The following CROCC2 variants were observed in gnomAD, a reference collection of about 807,000 sequenced individuals.
CROCC2 encodes the protein ciliary rootlet coiled-coil protein 2.
In CROCC2, 163 loss-of-function variants were observed where a neutral mutation model predicts 177.6. That is an observed-to-expected ratio of 0.92 (90% CI 0.81 to 1.05). The LOEUF (loss-of-function observed/expected upper bound fraction) is 1.05. Ranked by LOEUF, CROCC2 falls within the 50% of genes least tolerant of loss-of-function variation. CROCC2 has a pLI of 0.00. For missense variants in CROCC2, 1,929 were observed against 1,797.8 expected (o/e 1.07, Z -1.32); for synonymous variants, 904 against 787.3 (o/e 1.15, Z -2.48).
intron 14 of CROCC2, among the ~76,000 whole-genome samples, chr2:240,940,593 A>G (rs1023649631): frequency 6.6e-6 from 1 of 151,854 alleles, no homozygotes; most frequent in Non-Finnish European, 1.5e-5. Flanking sequence ...TAAAAACAAA[A>G]ATCACATGAT....
At chr2:240,975,627 TTCCCAGCCTTCGC>T (rs2059755275) in intron 27 of CROCC2, among the ~76,000 whole-genome samples, 2 of 152,236 alleles carry the variant, frequency 1.3e-5, no homozygotes, top group South Asian at 4.1e-4. Flanking sequence ...GTTCAGATAT[TTCCCAGCCTTCGC>T]TCCCAGCCTT....
At chr2:240,993,008 A>T in intron 31 of CROCC2, 58 bp from the exon 32 acceptor site, 1 of 710,474 alleles carries the variant, frequency 1.4e-6, no homozygotes, top group Non-Finnish European at 2.6e-6. Context: ...CGGCAGCAGG[A>T]GCCCCCATGT....
Position 240,972,447 on chromosome 2 carries a change from C to T in CROCC2, c.4401+4185C>T, listed in dbSNP as rs906797418. ...CAGGGATGGAGGGCTCCCCGGGTCC[C>T]CCAGCCACAGCAACCCTCTTCCCTG... On this transcript the variant is annotated intron_variant, in intron 27 of 31. Coordinates refer to ENST00000690015, the MANE Select transcript of CROCC2 (RefSeq NM_001351305.2). This position sits in a 1 kb window ranked among gnomAD's most constrained non-coding sequence, Gnocchi z 7.1. Among the ~76,000 whole-genome samples, 4 of 152,098 alleles carry T rather than the reference C, an allele frequency of 2.6e-5. No individual in the cohort carries two copies. Among genetic ancestry groups the T allele is most frequent in the African/African-American group, 9.7e-5 (4 of 41,420 alleles).
At position 240,946,178 on chromosome 2, in the gene CROCC2, G is replaced by A. The variant is rs548846216; in HGVS notation, c.2288G>A (p.Arg763Gln). ...GGAAAGGATGCTCTGTCTGAGGAGC[G>A]GGCCCAGCTGCTGGCCAAGCAGGAG... Reference protein sequence around the residue: ...LQGKDALSEERAQLLAKQEAL... With the variant: ...LQGKDALSEEQAQLLAKQEAL... Residue 763 changes from arginine (R) to glutamine (Q), a missense_variant, in exon 15 of 32, where the codon CGG becomes CAG. This residue lies in a region of CROCC2 where 1,397 missense variants were observed against 1,239.9 expected (regional missense o/e 1.13). Transcript: ENST00000690015. The A allele has an allele frequency of 7.9e-5, 122 of 1,547,808 alleles. No homozygotes were observed. The East Asian group carries it at 9.1e-4, about 11-fold the overall frequency.
intron 20 of CROCC2, among the ~76,000 whole-genome samples, chr2:240,962,289 G>T (rs1012167156): frequency 6.6e-6 from 1 of 151,766 alleles, no homozygotes; most frequent in African/African-American, 2.4e-5. Flanking sequence ...GGCAGAGGGA[G>T]CGGGTGGGGT....
Position 240,922,598 on chromosome 2 carries a change from C to T in CROCC2, c.441C>T (p.Ser147=), listed in dbSNP as rs1356213304. ...AQLRRSELEH[S]VDLEEALGRL... ...TGCGGAGGTCAGAGCTGGAGCACAG[C>T]GTGGATCTGGAGGAGGCCCTTGGCC... Residue 147 remains serine (S), a synonymous_variant, in exon 4 of 32, where the codon AGC becomes AGT. Transcript: ENST00000690015. 10 of 687,800 alleles carry T rather than the reference C, an allele frequency of 1.5e-5. No individual in the cohort carries two copies. The highest frequency in any genetic ancestry group is 1.4e-4 in the East Asian group (5 of 35,192). 42.6% of individuals were successfully genotyped at this position (687,800 alleles called of 1,614,324 possible).
chr2:240,920,495 C>A (rs2059351546), intron 3 of CROCC2, among the ~76,000 whole-genome samples: 1 of 152,194 alleles, frequency 6.6e-6, no homozygotes, highest in African/African-American at 2.4e-5. Flanking sequence ...AGTGCTCTGC[C>A]CAGCACTGGC....
intron 27 of CROCC2, among the ~76,000 whole-genome samples, chr2:240,970,592 T>C (rs2059713694): frequency 6.6e-6 from 1 of 152,206 alleles, no homozygotes; most frequent in South Asian, 2.1e-4. Context: ...GCCGAGGGTC[T>C]TGTCCCTTCC....
intron 18 of CROCC2, chr2:240,955,552 AG>A (rs1437512917): frequency 3.1e-6 from 1 of 322,660 alleles, no homozygotes; most frequent in African/African-American, 2.1e-5. Flanking sequence ...GGGAAAGGGC[AG>A]GATTTTAGAC....
At chr2:240,934,289 C>T (rs774209352) in intron 11 of CROCC2, 42 bp from the exon 12 acceptor site, 2 of 1,540,662 alleles carry the variant, frequency 1.3e-6, no homozygotes, top group South Asian at 1.2e-5. Context: ...GCAGCCACTG[C>T]TCACCCTGAG....
At chr2:240,916,701 C>T (rs1163590949) in intron 1 of CROCC2, among the ~76,000 whole-genome samples, 1 of 152,216 alleles carries the variant, frequency 6.6e-6, no homozygotes, top group Non-Finnish European at 1.5e-5. Context: ...TTACTCCGCG[C>T]TGCAGCCTTC....
In CROCC2 at chr2:240,917,979, G is replaced by C. The variant is rs1003492549; in HGVS notation, c.79-747G>C. Among the ~76,000 whole-genome samples, 2 of 152,194 alleles carry C rather than the reference G, an allele frequency of 1.3e-5. No homozygotes were observed. The highest frequency in any genetic ancestry group is 2.9e-5 in the Non-Finnish European group (2 of 68,022). Reference sequence around the variant, plus strand: ...TAGAGCCCAAGACCCTCAAAACCAGGCTGGGGTACCCAGGACACCCAGGCA... The same window carrying C: ...TAGAGCCCAAGACCCTCAAAACCAGCCTGGGGTACCCAGGACACCCAGGCA... On this transcript the variant is annotated intron_variant, in intron 1 of 31. Transcript: ENST00000690015. The surrounding 1 kb of genome is among the most constrained non-coding windows in gnomAD (Gnocchi z 4.9).
chr2:240,923,431 CA>C (rs1559591306), intron 4 of CROCC2, among the ~76,000 whole-genome samples: 1 of 151,068 alleles, frequency 6.6e-6, no homozygotes, highest in Non-Finnish European at 1.5e-5. Context: ...GCCCGGCCCC[CA>C]CCCTGCCTGT....
intron 31 of CROCC2, among the ~76,000 whole-genome samples, chr2:240,991,911 T>TG (rs2059882554): frequency 6.6e-6 from 1 of 152,222 alleles, no homozygotes; most frequent in South Asian, 2.1e-4. Context: ...CCAGCGGCTG[T>TG]GAGCCTCCGC....
Position 240,949,716 on chromosome 2 carries a change from G to A in CROCC2, c.2652+14G>A. The A allele has an allele frequency of 2.6e-6, 4 of 1,531,430 alleles. No homozygotes were observed. Among genetic ancestry groups the A allele is most frequent in the Non-Finnish European group, 3.5e-6 (4 of 1,134,776 alleles). The allele number at this position is 1,531,430 out of a possible 1,614,324, so 94.9% of individuals were successfully genotyped here. A position where few individuals can be genotyped will look rare whatever the true frequency, so the allele number is the denominator to read the frequency against. On this transcript the variant is annotated intron_variant, in intron 17 of 31. Transcript: ENST00000690015. The surrounding 1 kb of genome is among the most constrained non-coding windows in gnomAD (Gnocchi z 4.5). The stretch of plus-strand genomic sequence containing the variant: ...CAAAGGGAGAAGGTCTGCTTCCCAG[G>A]AGCCCACCAGTAGCTTCCTAGAAGG...
chr2:240,907,021 C>T (rs565207390), intron 1 of CROCC2, among the ~76,000 whole-genome samples: 2 of 151,950 alleles, frequency 1.3e-5, no homozygotes, highest in African/African-American at 4.8e-5. Context: ...AGGTGACTGG[C>T]GTCCCTGGCA....
rs937669226 is a variant in CROCC2 at position 240,917,453 on chromosome 2, G to T, written c.79-1273G>T. Among the ~76,000 whole-genome samples, 1 of 152,174 alleles carries T rather than the reference G, an allele frequency of 6.6e-6. No homozygotes were observed. The highest frequency in any genetic ancestry group is 1.9e-4 in the East Asian group (1 of 5,174). On this transcript the variant is annotated intron_variant, in intron 1 of 31. Coordinates refer to ENST00000690015, the MANE Select transcript of CROCC2 (RefSeq NM_001351305.2). This position sits in a 1 kb window ranked among gnomAD's most constrained non-coding sequence, Gnocchi z 4.9. ...GCACAGCCACCAGCCCAGGCCTGAG[G>T]TCAGAGTCCGGGGACGCAAGCAGGG...
chr2:240,909,226 C>T (rs1157262712), intron 1 of CROCC2, among the ~76,000 whole-genome samples: 13 of 136,796 alleles, frequency 9.5e-5, no homozygotes, highest in Non-Finnish European at 2.0e-4. Flanking sequence ...CTGGGGTGAG[C>T]TCTACCTCCT....
chr2:240,914,115 T>C (rs1429308756), intron 1 of CROCC2, among the ~76,000 whole-genome samples: 4 of 152,136 alleles, frequency 2.6e-5, no homozygotes, highest in Admixed American at 6.5e-5. Context: ...TTGCTCAGGC[T>C]GGGAAGGGGG....
Sources: gnomAD v4.1 joint callset for allele counts (sites outside exome capture counted in the v4.1 genomes callset) on GRCh38, gnomAD v4.1.1 for gene constraint, gnomAD v4.1.1 regional missense constraint, Gnocchi (gnomAD v3.1) non-coding constraint, MANE v1.5 for transcripts, NCBI Gene and HGNC (gene_info 2026-07-23, HGNC 2026-07-21) for gene names.